LMBR1: variants seen among roughly 807,000 people sequenced by gnomAD.
The protein encoded by LMBR1 is limb development membrane protein 1, also known as limb region 1 protein homolog.
A neutral mutation model predicts 73.9 loss-of-function variants in LMBR1; 52 were observed. That is an observed-to-expected ratio of 0.70 (90% CI 0.56 to 0.89). The LOEUF is 0.89. LMBR1 is among the 40% of genes least tolerant of loss of function. LMBR1 has a pLI of 0.00. For synonymous variants in LMBR1, 215 were observed against 209.4 expected (o/e 1.03, Z -0.23); for missense variants, 539 against 579.8 (o/e 0.93, Z 0.72).
At chr7:156,675,630 A>G (rs1803730310), downstream of LMBR1, 1 of 1,414,238 alleles carries the variant, frequency 7.1e-7, no homozygotes, top group Non-Finnish European at 9.9e-7. Flanking sequence ...GTCAGGCTCG[A>G]GAGCGCTTCC....
intron 1 of LMBR1, among the ~76,000 whole-genome samples, chr7:156,876,372 G>C (rs1037177894): frequency 3.3e-5 from 5 of 152,082 alleles, no homozygotes; most frequent in African/African-American, 1.2e-4. Flanking sequence ...AATAATAGTG[G>C]GGTATTTCAG....
intron 5 of LMBR1, among the ~76,000 whole-genome samples, chr7:156,776,316 G>A (rs954693279): frequency 2.0e-5 from 3 of 151,770 alleles, no homozygotes; most frequent in Non-Finnish European, 4.4e-5. Context: ...CTTTGTTCCC[G>A]ACCATCTACA....
At chr7:156,861,414 A>C (rs1797698884) in intron 1 of LMBR1, among the ~76,000 whole-genome samples, 1 of 151,672 alleles carries the variant, frequency 6.6e-6, no homozygotes, top group Non-Finnish European at 1.5e-5. Context: ...CTATGAAACC[A>C]TTTTTTCATC....
intron 3 of LMBR1, among the ~76,000 whole-genome samples, chr7:156,829,831 T>C (rs1027611639): frequency 2.6e-5 from 4 of 152,208 alleles, no homozygotes; most frequent in Non-Finnish European, 5.9e-5. Context: ...TGCCGATCTC[T>C]ACCTCTGCCG....
intron 15 of LMBR1, among the ~76,000 whole-genome samples, chr7:156,693,101 A>G (rs1807560613): frequency 1.3e-5 from 2 of 152,170 alleles, no homozygotes; most frequent in African/African-American, 4.8e-5. Context: ...AAAAGCATCA[A>G]TGAACCATGA....
intron 16 of LMBR1, among the ~76,000 whole-genome samples, chr7:156,687,268 G>T (rs1806180785): frequency 6.6e-6 from 1 of 152,156 alleles, no homozygotes; most frequent in Admixed American, 6.5e-5. Flanking sequence ...CTAATGTCAG[G>T]ATTTTTAAAA....
At chr7:156,883,141 C>T (rs1414035810) in intron 1 of LMBR1, among the ~76,000 whole-genome samples, 2 of 152,192 alleles carry the variant, frequency 1.3e-5, no homozygotes, top group Non-Finnish European at 2.9e-5. Context: ...TGGCTCACAC[C>T]TGTAATCCCA....
chr7:156,777,002 G>A (rs996062318), intron 5 of LMBR1, among the ~76,000 whole-genome samples: 3 of 151,704 alleles, frequency 2.0e-5, no homozygotes, highest in African/African-American at 7.3e-5. Context: ...CACGATCTCG[G>A]CTCACCGCAA....
At chr7:156,832,017 C>A (rs191613433) in intron 3 of LMBR1, among the ~76,000 whole-genome samples, 11 of 152,200 alleles carry the variant, frequency 7.2e-5, no homozygotes, top group Admixed American at 3.3e-4. Context: ...CTAATTTATA[C>A]AGAGGAAAAA....
chr7:156,888,353 TGAGCC>T (rs1034366706), intron 1 of LMBR1, among the ~76,000 whole-genome samples: 10 of 144,598 alleles, frequency 6.9e-5, no homozygotes, highest in African/African-American at 1.0e-4. Context: ...GAGCTTGCAG[TGAGCC>T]GAGATTGAGT....
At chr7:156,887,603 A>C (rs763434133) in intron 1 of LMBR1, among the ~76,000 whole-genome samples, 2 of 152,168 alleles carry the variant, frequency 1.3e-5, no homozygotes, top group African/African-American at 2.4e-5. Context: ...TGATGATGCC[A>C]GTTGGTGATG....
chr7:156,885,434 C>T (rs1201673225), intron 1 of LMBR1, among the ~76,000 whole-genome samples: 1 of 151,780 alleles, frequency 6.6e-6, no homozygotes, highest in African/African-American at 2.4e-5. Flanking sequence ...TTAAGCCATA[C>T]CCAGGATAAG....
intron 16 of LMBR1, among the ~76,000 whole-genome samples, chr7:156,686,576 A>G (rs1806066125): frequency 6.6e-6 from 1 of 152,228 alleles, no homozygotes; most frequent in African/African-American, 2.4e-5. Flanking sequence ...TGTATCTATT[A>G]GGTAGTTTTA....
At chr7:156,836,954 T>C (rs1837743652) in intron 1 of LMBR1, 69 bp from the exon 2 acceptor site, 2 of 940,038 alleles carry the variant, frequency 2.1e-6, no homozygotes, top group South Asian at 1.6e-5. Context: ...AGAAGATATA[T>C]CTGTGATATT....
intron 10 of LMBR1, among the ~76,000 whole-genome samples, chr7:156,728,962 C>A (rs763019188): frequency 1.6e-4 from 25 of 152,144 alleles, no homozygotes; most frequent in Non-Finnish European, 3.1e-4. Context: ...ATCTCAACCA[C>A]CCAAGTAGCT....
chr7:156,686,399 AAGGGGAT>A (rs1806021762), intron 16 of LMBR1, among the ~76,000 whole-genome samples: 1 of 152,164 alleles, frequency 6.6e-6, no homozygotes, highest in African/African-American at 2.4e-5. Context: ...AAAAGAAAGA[AAGGGGAT>A]AGCTACTTTA....
intron 15 of LMBR1, among the ~76,000 whole-genome samples, chr7:156,702,486 A>G (rs1442588991): frequency 3.3e-5 from 5 of 151,822 alleles, no homozygotes; most frequent in African/African-American, 7.3e-5. Context: ...TTTTTCTTGT[A>G]AATTTATCTA....
intron 4 of LMBR1, among the ~76,000 whole-genome samples, chr7:156,804,563 AT>A (rs1168548772): frequency 2.0e-5 from 3 of 152,246 alleles, no homozygotes; most frequent in African/African-American, 7.2e-5. Context: ...ACACAGGAAT[AT>A]CTTATTGCTG....
chr7:156,796,525 C>T, intron 4 of LMBR1, 33 bp from the exon 5 acceptor site: 1 of 1,399,420 alleles, frequency 7.1e-7, no homozygotes, highest in Non-Finnish European at 9.8e-7. Context: ...AGAAGAAAAA[C>T]AGGTTAGATA....
Sources: allele counts gnomAD v4.1 joint callset (sites outside exome capture counted in the v4.1 genomes callset), GRCh38; gene constraint gnomAD v4.1.1; transcripts MANE v1.5; gene names NCBI Gene and HGNC (gene_info 2026-07-23, HGNC 2026-07-21).